The following PIK3C3 variants were observed in gnomAD, a reference collection of about 807,000 sequenced individuals.
PIK3C3 encodes the protein PI3-kinase type 3.
In PIK3C3, 95 loss-of-function variants were observed where a neutral mutation model predicts 126.1. That is an observed-to-expected ratio of 0.75 (90% CI 0.64 to 0.89). The LOEUF (loss-of-function observed/expected upper bound fraction) is 0.89, where lower values mean the gene tolerates loss of function less well. Among genes scored for constraint, PIK3C3 ranks in the 40% least tolerant of loss-of-function variants. PIK3C3 has a pLI of 0.00. For missense variants in PIK3C3, 829 were observed against 1,063.2 expected, an observed-to-expected ratio of 0.78 and a Z score of 3.06; for synonymous variants, 374 against 360.0, an observed-to-expected ratio of 1.04 and a Z score of -0.44.
chr18:42,049,045 A>G (rs896088847), intron 20 of PIK3C3, among the ~76,000 whole-genome samples: 4 of 152,214 alleles, frequency 2.6e-5, no homozygotes, highest in Admixed American at 1.3e-4. Context: ...TTAGAAGATT[A>G]TTGTGTTAAC....
intron 22 of PIK3C3, among the ~76,000 whole-genome samples, chr18:42,063,977 A>C (rs1336481804): frequency 6.6e-6 from 1 of 152,188 alleles, no homozygotes; most frequent in Non-Finnish European, 1.5e-5. Flanking sequence ...AACTACCCAA[A>C]GTGGAGAGGT....
At chr18:42,075,589 C>CA (rs1338463898) in intron 24 of PIK3C3, among the ~76,000 whole-genome samples, 1 of 151,816 alleles carries the variant, frequency 6.6e-6, no homozygotes, top group Non-Finnish European at 1.5e-5. Flanking sequence ...TATGTATTTA[C>CA]AGATGAGAAA....
intron 4 of PIK3C3, among the ~76,000 whole-genome samples, chr18:41,986,851 T>TCCG (rs1568123003): frequency 6.6e-6 from 1 of 152,078 alleles, no homozygotes; most frequent in African/African-American, 2.4e-5. Flanking sequence ...ACAATGAACT[T>TCCG]CAGACTTTTT....
intron 21 of PIK3C3, among the ~76,000 whole-genome samples, chr18:42,053,605 T>C (rs1023332741): frequency 3.3e-5 from 5 of 152,172 alleles, no homozygotes; most frequent in African/African-American, 1.2e-4. Flanking sequence ...ATAGATTTTT[T>C]CCCAAGAATC....
At chr18:42,053,163 T>A (rs1984878959) in intron 21 of PIK3C3, 1 of 152,094 alleles carries the variant, frequency 6.6e-6, no homozygotes, top group African/African-American at 2.4e-5. Flanking sequence ...ACCCTGTAAA[T>A]ATAGATGAAA....
intron 4 of PIK3C3, among the ~76,000 whole-genome samples, chr18:41,974,554 C>G (rs1348512547): frequency 6.6e-6 from 1 of 151,482 alleles, no homozygotes; most frequent in South Asian, 2.1e-4. Context: ...ATTACCCCCC[C>G]ACCCCCTGCC....
At chr18:42,038,297 G>A (rs1050060031) in intron 17 of PIK3C3, among the ~76,000 whole-genome samples, 21 of 151,882 alleles carry the variant, frequency 1.4e-4, no homozygotes, top group African/African-American at 3.6e-4. Flanking sequence ...TTAGCATACC[G>A]TCATCTAAGT....
rs147173868 is a variant in PIK3C3 at position 41,990,729 on chromosome 18, A to C, written c.714+175A>C. On this transcript the variant is annotated intron_variant, in intron 6 of 24. Coordinates refer to ENST00000262039, the MANE Select transcript of PIK3C3 (RefSeq NM_002647.4). ...AATCATATAACTACAACAAGATTACAAAAGCCTATCACTCATGTAATGCAG... is the reference window on the plus strand; with the variant it reads ...AATCATATAACTACAACAAGATTACCAAAGCCTATCACTCATGTAATGCAG... The C allele has an allele frequency of 9.0e-4, 478 of 532,398 alleles. 2 individuals are homozygous for C. Among genetic ancestry groups the C allele is most frequent in the African/African-American group, 7.7e-3 (404 of 52,488 alleles). 33.0% of individuals were successfully genotyped at this position (532,398 alleles called of 1,614,324 possible).
At chr18:42,077,751 T>A (rs928739336) in intron 24 of PIK3C3, among the ~76,000 whole-genome samples, 1 of 152,182 alleles carries the variant, frequency 6.6e-6, no homozygotes, top group Non-Finnish European at 1.5e-5. Context: ...TATTTTCACC[T>A]CCTCCTATGA....
At chr18:42,056,844 C>T (rs1356658773) in intron 21 of PIK3C3, among the ~76,000 whole-genome samples, 1 of 152,036 alleles carries the variant, frequency 6.6e-6, no homozygotes. Flanking sequence ...TGCTGCTTTT[C>T]CAGTGGGTAC....
At chr18:42,066,793 A>G (rs1403180973) in intron 23 of PIK3C3, among the ~76,000 whole-genome samples, 1 of 152,160 alleles carries the variant, frequency 6.6e-6, no homozygotes, top group African/African-American at 2.4e-5. Flanking sequence ...AAGACTAAAA[A>G]AATTATTTTA....
intron 8 of PIK3C3, among the ~76,000 whole-genome samples, 190 bp from the exon 9 acceptor site, chr18:41,996,445 TCTC>T (rs1195244840): frequency 1.3e-5 from 2 of 152,150 alleles, no homozygotes. Context: ...CTTCTTTTCT[TCTC>T]CTTTAAACTG....
intron 5 of PIK3C3, among the ~76,000 whole-genome samples, chr18:41,989,032 A>C (rs1191302341): frequency 6.6e-6 from 1 of 152,146 alleles, no homozygotes; most frequent in African/African-American, 2.4e-5. Context: ...AATATGCTTC[A>C]TAAAGCTGAA....
At chr18:41,991,042 A>G (rs1981751246) in intron 6 of PIK3C3, among the ~76,000 whole-genome samples, 1 of 152,164 alleles carries the variant, frequency 6.6e-6, no homozygotes, top group Admixed American at 6.5e-5. Flanking sequence ...AAATTAAGAC[A>G]ATTTTACCAT....
At chr18:42,070,387 G>A (rs956253816) in intron 24 of PIK3C3, 1 of 152,184 alleles carries the variant, frequency 6.6e-6, no homozygotes, top group Non-Finnish European at 1.5e-5. Context: ...AAATGAATTA[G>A]TGGCATGCTT....
At chr18:41,968,245 A>G (rs867264547) in intron 3 of PIK3C3, among the ~76,000 whole-genome samples, 4 of 152,336 alleles carry the variant, frequency 2.6e-5, no homozygotes, top group Middle Eastern at 6.8e-3. Flanking sequence ...GAAGGAAGGG[A>G]AGCCTTCTGC....
chr18:41,965,872 G>A (rs1980335979), intron 3 of PIK3C3, among the ~76,000 whole-genome samples: 1 of 152,060 alleles, frequency 6.6e-6, no homozygotes, highest in East Asian at 1.9e-4. Flanking sequence ...AAACCCCAAG[G>A]ATTTCTATAA....
At chr18:42,033,286 A>G (rs1330708270) in intron 15 of PIK3C3, among the ~76,000 whole-genome samples, 1 of 152,202 alleles carries the variant, frequency 6.6e-6, no homozygotes, top group Non-Finnish European at 1.5e-5. Context: ...AGCTGAAGAA[A>G]ATGAATGATG....
intron 7 of PIK3C3, among the ~76,000 whole-genome samples, chr18:41,994,429 AAC>A (rs1358297060): frequency 3.9e-5 from 6 of 152,318 alleles, no homozygotes; most frequent in African/African-American, 1.4e-4. Flanking sequence ...TAAATGCAGA[AAC>A]ACATTTTAAA....
Sources: gnomAD v4.1 joint callset for allele counts (sites outside exome capture counted in the v4.1 genomes callset) on GRCh38, gnomAD v4.1.1 for gene constraint, MANE v1.5 for transcripts, NCBI Gene and HGNC (gene_info 2026-07-23, HGNC 2026-07-21) for gene names.